BRINP3: variants seen among roughly 807,000 people sequenced by gnomAD.
The protein encoded by BRINP3 is BMP/retinoic acid inducible neural specific 3, also known as BMP/retinoic acid-inducible neural-specific protein 3.
BRINP3 carries 19 observed loss-of-function variants against 71.0 expected under a neutral mutation model. The ratio of observed to expected loss-of-function variants is 0.27; its 90% confidence interval spans 0.19 to 0.39. BRINP3 has a LOEUF of 0.39. BRINP3 is among the 10% of genes least tolerant of loss of function. The probability of loss-of-function intolerance (pLI) is 1.00; values close to 1 mark genes in which losing one functional copy is unlikely to be tolerated. For synonymous variants in BRINP3, 380 were observed against 337.7 expected (o/e 1.13, Z -1.37); for missense variants, 959 against 940.8 (o/e 1.02, Z -0.25).
At chr1:190,439,075 T>A (rs887111245) in intron 2 of BRINP3, among the ~76,000 whole-genome samples, 2 of 151,864 alleles carry the variant, frequency 1.3e-5, no homozygotes, top group African/African-American at 4.8e-5. Flanking sequence ...TTCAGAGTTG[T>A]GTGTCTATGT....
At chr1:190,347,537 A>G (rs913816178) in intron 2 of BRINP3, among the ~76,000 whole-genome samples, 51 of 152,252 alleles carry the variant, frequency 3.3e-4, no homozygotes, top group Admixed American at 2.0e-4. Flanking sequence ...TTTCTCCAGG[A>G]TTTTGTATCT....
intron 2 of BRINP3, among the ~76,000 whole-genome samples, chr1:190,371,945 A>C (rs1355304347): frequency 6.6e-6 from 1 of 152,136 alleles, no homozygotes; most frequent in Non-Finnish European, 1.5e-5. Flanking sequence ...CATAAGCTTC[A>C]GGGGCTTCCT....
At chr1:190,365,556 AATT>A (rs1669431475) in intron 2 of BRINP3, among the ~76,000 whole-genome samples, 1 of 147,492 alleles carries the variant, frequency 6.8e-6, no homozygotes, top group Non-Finnish European at 1.5e-5. Context: ...ATTACAATAT[AATT>A]ATATTTTAGT....
chr1:190,108,094 A>G (rs1164302955), intron 7 of BRINP3, among the ~76,000 whole-genome samples: 1 of 152,066 alleles, frequency 6.6e-6, no homozygotes, highest in African/African-American at 2.4e-5. Context: ...AAAAAACAAA[A>G]CAAAACAAAA....
intron 2 of BRINP3, among the ~76,000 whole-genome samples, chr1:190,347,523 T>C (rs1668103257): frequency 6.6e-6 from 1 of 152,198 alleles, no homozygotes; most frequent in African/African-American, 2.4e-5. Flanking sequence ...AATGGACTAA[T>C]CTGTTTCTCC....
chr1:190,164,115 T>C (rs1399871509), intron 6 of BRINP3, among the ~76,000 whole-genome samples: 4 of 152,134 alleles, frequency 2.6e-5, no homozygotes, highest in Non-Finnish European at 2.9e-5. Context: ...CAGACTCAGA[T>C]ACATACCCCC....
chr1:190,321,089 A>AT (rs1355977400), intron 2 of BRINP3, among the ~76,000 whole-genome samples: 4 of 152,024 alleles, frequency 2.6e-5, no homozygotes, highest in African/African-American at 7.2e-5. Flanking sequence ...ATGATCTTAC[A>AT]TTTTTTATGC....
chr1:190,260,911 A>G (rs1397946588), intron 4 of BRINP3, among the ~76,000 whole-genome samples: 7 of 152,192 alleles, frequency 4.6e-5, no homozygotes, highest in South Asian at 2.1e-4. Flanking sequence ...TCCAAACACT[A>G]TAATTCTGAA....
At chr1:190,365,806 G>GTATATATATATATA (rs66540359) in intron 2 of BRINP3, among the ~76,000 whole-genome samples, 42 of 127,862 alleles carry the variant, frequency 3.3e-4, no homozygotes, top group African/African-American at 9.0e-4. Context: ...GAGAGCAAGT[G>GTATATATATATATA]TATATATATA....
chr1:190,193,139 G>A (rs187922858), intron 6 of BRINP3, among the ~76,000 whole-genome samples: 1 of 152,118 alleles, frequency 6.6e-6, no homozygotes, highest in Non-Finnish European at 1.5e-5. Flanking sequence ...TGAAAATCCT[G>A]AGTGGAATGG....
At chr1:190,265,631 G>A (rs953329582) in intron 3 of BRINP3, among the ~76,000 whole-genome samples, 1 of 150,898 alleles carries the variant, frequency 6.6e-6, no homozygotes. Context: ...GAAGAATGGC[G>A]TGAACCCGGG....
At chr1:190,463,462 T>C (rs1359756058) in intron 1 of BRINP3, among the ~76,000 whole-genome samples, 1 of 151,698 alleles carries the variant, frequency 6.6e-6, no homozygotes, top group Non-Finnish European at 1.5e-5. Flanking sequence ...TATAACATCA[T>C]TTGCCAAGAA....
chr1:190,343,484 T>C (rs1451345538), intron 2 of BRINP3, among the ~76,000 whole-genome samples: 2 of 151,698 alleles, frequency 1.3e-5, no homozygotes, highest in Non-Finnish European at 3.0e-5. Flanking sequence ...AACTGTAAAA[T>C]TGGAAAATAA....
At chr1:190,236,360 C>T (rs1356691920) in intron 4 of BRINP3, among the ~76,000 whole-genome samples, 2 of 151,862 alleles carry the variant, frequency 1.3e-5, no homozygotes, top group African/African-American at 4.8e-5. Flanking sequence ...GGAGTGGCAA[C>T]ACAGGTTTAT....
intron 3 of BRINP3, among the ~76,000 whole-genome samples, chr1:190,269,482 G>T (rs1004925527): frequency 2.0e-5 from 3 of 151,832 alleles, no homozygotes; most frequent in African/African-American, 7.3e-5. Flanking sequence ...GCATTGATAC[G>T]GAATATTTAC....
At chr1:190,270,623 C>A (rs893352335) in intron 3 of BRINP3, among the ~76,000 whole-genome samples, 1 of 151,614 alleles carries the variant, frequency 6.6e-6, no homozygotes, top group Non-Finnish European at 1.5e-5. Context: ...GTACAAATAT[C>A]TCTATTTTGG....
chr1:190,204,695 T>A (rs899606082), intron 6 of BRINP3, among the ~76,000 whole-genome samples: 7 of 152,072 alleles, frequency 4.6e-5, no homozygotes, highest in African/African-American at 1.7e-4. Flanking sequence ...GAATCTCTAA[T>A]ATATTTTCTA....
intron 6 of BRINP3, among the ~76,000 whole-genome samples, chr1:190,224,736 C>T (rs1657185699): frequency 6.6e-6 from 1 of 151,794 alleles, no homozygotes; most frequent in African/African-American, 2.4e-5. Context: ...ATTCATCTGT[C>T]CAGGGATTAA....
At chr1:190,234,215 ATT>A (rs1231861846) in intron 5 of BRINP3, among the ~76,000 whole-genome samples, 155 bp downstream of exon 5, 1 of 152,266 alleles carries the variant, frequency 6.6e-6, no homozygotes, top group Non-Finnish European at 1.5e-5. Flanking sequence ...AGAATTTCAT[ATT>A]TTCTTGTATC....
Sources: gnomAD v4.1 joint callset for allele counts (sites outside exome capture counted in the v4.1 genomes callset) on GRCh38, gnomAD v4.1.1 for gene constraint, MANE v1.5 for transcripts, NCBI Gene and HGNC (gene_info 2026-07-23, HGNC 2026-07-21) for gene names.